The following FGD3 variants were observed in gnomAD, a reference collection of about 807,000 sequenced individuals.
FGD3 encodes the protein FYVE, RhoGEF and PH domain containing 3, also known as FYVE, RhoGEF and PH domain-containing protein 3.
Under a neutral mutation model 71.8 loss-of-function variants are expected in FGD3, and 45 were observed. The observed-to-expected ratio is 0.63, with a 90% confidence interval of 0.49 to 0.80. FGD3 has a LOEUF of 0.80. Among genes scored for constraint, FGD3 ranks in the 30% least tolerant of loss-of-function variants. The pLI is 0.00. For synonymous variants in FGD3, 378 were observed against 392.8 expected (o/e 0.96, Z 0.44); for missense variants, 844 against 951.5 (o/e 0.89, Z 1.49).
chr9:92,998,721 G>A (rs1181837943), intron 3 of FGD3, among the ~76,000 whole-genome samples: 2 of 152,242 alleles, frequency 1.3e-5, no homozygotes, highest in African/African-American at 4.8e-5. Context: ...CTGCAGGTCT[G>A]TTGGAGTTTG....
At chr9:93,017,861 C>CG (rs569853297) in intron 10 of FGD3, among the ~76,000 whole-genome samples, 5 of 143,966 alleles carry the variant, frequency 3.5e-5, no homozygotes, top group South Asian at 2.5e-4. Context: ...GGCTGGGTGT[C>CG]GGGGGGGTGG....
intron 1 of FGD3, among the ~76,000 whole-genome samples, chr9:92,951,538 TGG>T (rs1308055084): frequency 2.0e-5 from 3 of 152,180 alleles, no homozygotes; most frequent in African/African-American, 7.2e-5. Context: ...AAGCCAGGTG[TGG>T]TGGCATGCGC....
intron 6 of FGD3, among the ~76,000 whole-genome samples, chr9:93,008,582 C>G (rs1406364618): frequency 6.6e-6 from 1 of 152,218 alleles, no homozygotes; most frequent in Non-Finnish European, 1.5e-5. Flanking sequence ...CCCGGTGACG[C>G]AGTCTCTGCA....
rs548300720 is a variant in FGD3 at position 92,981,568 on chromosome 9, T to C, written c.453+4859T>C. Among the ~76,000 whole-genome samples, 3 of 152,254 alleles carry C rather than the reference T, an allele frequency of 2.0e-5. No individual in the cohort carries two copies. In the South Asian group the frequency reaches 6.2e-4, roughly 32 times the overall value. ...TGTTTGGTTCAACTGTCTGTAGAGT[T>C]GTTCAAGTTCTCTATTTCCTTATTG... On this transcript the variant is annotated intron_variant, in intron 3 of 17. Transcript: ENST00000375482.
At chr9:93,014,640 T>C (rs1040535510) in intron 9 of FGD3, among the ~76,000 whole-genome samples, 3 of 151,896 alleles carry the variant, frequency 2.0e-5, no homozygotes, top group African/African-American at 7.3e-5. Context: ...TTTTTTTTGT[T>C]TGTTTTTGTT....
intron 3 of FGD3, among the ~76,000 whole-genome samples, chr9:92,991,799 T>A (rs188710617): frequency 6.6e-6 from 1 of 152,316 alleles, no homozygotes; most frequent in East Asian, 1.9e-4. Flanking sequence ...CCCTTTATAT[T>A]TAATAATATT....
At chr9:93,035,197 A>G (rs1862546982) in intron 17 of FGD3, 141 bp from the exon 18 acceptor site, 12 of 1,230,026 alleles carry the variant, frequency 9.8e-6, no homozygotes, top group Non-Finnish European at 1.3e-5. Flanking sequence ...GTGCAGGCAC[A>G]GCCACCAGAC....
At chr9:92,971,057 G>C (rs1346216638) in intron 1 of FGD3, among the ~76,000 whole-genome samples, 1 of 152,142 alleles carries the variant, frequency 6.6e-6, no homozygotes, top group Non-Finnish European at 1.5e-5. Context: ...ACAATTAGGG[G>C]CTCCTCAACC....
intron 1 of FGD3, among the ~76,000 whole-genome samples, chr9:92,968,613 T>TTC (rs1859423797): frequency 6.7e-6 from 1 of 149,880 alleles, no homozygotes; most frequent in African/African-American, 2.5e-5. Flanking sequence ...CTTTCTTTTT[T>TTC]TTTTTTTTGA....
intron 1 of FGD3, among the ~76,000 whole-genome samples, chr9:92,966,146 T>C (rs1305816414): frequency 6.6e-6 from 1 of 152,172 alleles, no homozygotes; most frequent in African/African-American, 2.4e-5. Flanking sequence ...TCTGCAGATA[T>C]TGTGGGTCCT....
chr9:92,967,384 T>G (rs1402820592), intron 1 of FGD3, among the ~76,000 whole-genome samples: 1 of 152,214 alleles, frequency 6.6e-6, no homozygotes, highest in Non-Finnish European at 1.5e-5. Flanking sequence ...CTGTCCCTGT[T>G]AAACCCTCTC....
At position 93,011,910 on chromosome 9, in the gene FGD3, G is replaced by A. The variant is rs570514449; in HGVS notation, c.1035+638G>A. On this transcript the variant is annotated intron_variant, in intron 8 of 17. Coordinates refer to ENST00000375482, the MANE Select transcript of FGD3 (RefSeq NM_001083536.2). Reference sequence around the variant, plus strand: ...GCGGTGGCTCACGCCTGTAATCCCAGCAATTTGGGAGGCCGAGGCGGGTGG... The same window carrying A: ...GCGGTGGCTCACGCCTGTAATCCCAACAATTTGGGAGGCCGAGGCGGGTGG... Among the ~76,000 whole-genome samples, 8 of 149,938 alleles carry A rather than the reference G, an allele frequency of 5.3e-5. No individual in the cohort carries two copies. In the South Asian group the frequency reaches 1.5e-3, roughly 28 times the overall value.
intron 1 of FGD3, among the ~76,000 whole-genome samples, chr9:92,950,538 C>T (rs573175018): frequency 6.0e-4 from 91 of 152,170 alleles, no homozygotes; most frequent in Non-Finnish European, 1.1e-3. Context: ...TCCAGCCCCA[C>T]GCAGCTTGGC....
chr9:93,015,793 C>A lies in FGD3; in HGVS notation c.1239C>A (p.Phe413Leu). 6.2e-7 allele frequency: 1 copy of A among 1,614,156 alleles called. No individual in the cohort carries two copies. Among genetic ancestry groups the A allele is most frequent in the Non-Finnish European group, 8.5e-7 (1 of 1,180,032 alleles). The change falls in exon 10 of 18, where the codon TTC becomes TTA. Residue 413 changes from phenylalanine (F) to leucine (L), a missense_variant. Coordinates refer to ENST00000375482, the MANE Select transcript of FGD3 (RefSeq NM_001083536.2). Reference sequence around the variant, plus strand: ...AGCTGCGGCTCATGGGCCAGAAGTTCAGCGTCCGGGAGAAGATGGACATCT... The same window carrying A: ...AGCTGCGGCTCATGGGCCAGAAGTTAAGCGTCCGGGAGAAGATGGACATCT... ...VPKLRLMGQK[F>L]SVREKMDISG... is the part of the protein sequence containing the mutation.
intron 13 of FGD3, among the ~76,000 whole-genome samples, 177 bp from the exon 14 acceptor site, chr9:93,022,150 G>C (rs1418928974): frequency 6.6e-6 from 1 of 152,194 alleles, no homozygotes; most frequent in African/African-American, 2.4e-5. Flanking sequence ...CTCAGGCCAG[G>C]CCCAGGGAGG....
intron 10 of FGD3, among the ~76,000 whole-genome samples, chr9:93,016,266 C>G (rs968243127): frequency 6.6e-6 from 1 of 151,982 alleles, no homozygotes; most frequent in African/African-American, 2.4e-5. Context: ...TGAGCTCTTT[C>G]CTGTCCTCCT....
In FGD3 at chr9:93,035,410, G is replaced by C. The variant is rs1238161526; in HGVS notation, c.1999G>C (p.Asp667His). 6.2e-7 allele frequency: 1 copy of C among 1,612,130 alleles called. No homozygotes were observed. The highest frequency in any genetic ancestry group is 1.1e-5 in the South Asian group (1 of 90,724). Residue 667 changes from aspartate (D) to histidine (H), a missense_variant, in exon 18 of 18, where the codon GAC becomes CAC. Physicochemically the swap from Asp to His is moderately conservative, Grantham distance 81 (BLOSUM62 -1). Transcript: ENST00000375482. The part of the protein sequence containing the change: ...LSVPDPEERL[D>H]SGHVWKLQWA... The stretch of plus-strand genomic sequence containing the variant: ...TGTGCCGGACCCTGAGGAGAGGCTG[G>C]ACTCGGGGCATGTGTGGAAGCTGCA...
chr9:92,969,621 T>C lies in FGD3; in HGVS notation c.-217-5617T>C, dbSNP rs1421774092. On this transcript the variant is annotated intron_variant, in intron 1 of 17. Transcript: ENST00000375482. The surrounding 1 kb of genome is among the most constrained non-coding windows in gnomAD (Gnocchi z 4.5). Reference sequence around the variant, plus strand: ...CAAGGGAGGTCCCTGCCTACTAGGTTCCAGGCAGCACAGTGGACAGGTGCC... The same window carrying C: ...CAAGGGAGGTCCCTGCCTACTAGGTCCCAGGCAGCACAGTGGACAGGTGCC... Among the ~76,000 whole-genome samples the C allele has an allele frequency of 6.6e-6, 1 of 152,156 alleles. No individual in the cohort carries two copies. Among genetic ancestry groups the C allele is most frequent in the Non-Finnish European group, 1.5e-5 (1 of 68,008 alleles).
intron 16 of FGD3, 45 bp downstream of exon 16, chr9:93,032,918 G>T (rs1271459815): frequency 6.4e-7 from 1 of 1,554,428 alleles, no homozygotes; most frequent in Non-Finnish European, 8.9e-7. Flanking sequence ...GCGCGGCAGA[G>T]CCTCCAGACA....
Sources: gnomAD v4.1 joint callset for allele counts (sites outside exome capture counted in the v4.1 genomes callset) on GRCh38, gnomAD v4.1.1 for gene constraint, Gnocchi (gnomAD v3.1) non-coding constraint, MANE v1.5 for transcripts, NCBI Gene and HGNC (gene_info 2026-07-23, HGNC 2026-07-21) for gene names.